GZMA: variants seen among roughly 807,000 people sequenced by gnomAD.
GZMA encodes CTL tryptase.
A neutral mutation model predicts 21.1 loss-of-function variants in GZMA; 17 were observed. The ratio of observed to expected loss-of-function variants is 0.81; its 90% CI spans 0.55 to 1.21. The LOEUF (loss-of-function observed/expected upper bound fraction) is 1.21, where lower values mean the gene tolerates loss of function less well. GZMA is among the 50% of genes most tolerant of loss of function. The pLI, the probability that GZMA is intolerant of heterozygous loss-of-function variation, is 0.00. For missense variants in GZMA, 306 were observed against 315.9 expected (o/e 0.97, Z 0.24); for synonymous variants, 90 against 107.8 (o/e 0.83, Z 1.03).
intron 2 of GZMA, among the ~76,000 whole-genome samples, chr5:55,106,588 G>C (rs1467725312): frequency 6.6e-6 from 1 of 152,170 alleles, no homozygotes; most frequent in Admixed American, 6.5e-5. Context: ...GCCTCAGCAT[G>C]GAAGGGTGAA....
chr5:55,107,179 C>A (rs983302275), intron 2 of GZMA, among the ~76,000 whole-genome samples: 1 of 152,058 alleles, frequency 6.6e-6, no homozygotes, highest in Non-Finnish European at 1.5e-5. Context: ...ATCAGTACAT[C>A]AGAAAGCATT....
Position 55,107,964 on chromosome 5 carries a change from G to A in GZMA, c.357+29G>A, listed in dbSNP as rs1345168268. 5.0e-6 allele frequency: 8 copies of A among 1,600,642 alleles called. No homozygotes were observed. In the Middle Eastern group the frequency reaches 6.6e-4, roughly 132 times the overall value. On this transcript the variant is annotated intron_variant, in intron 3 of 4. Transcript: ENST00000274306. ...CGTATCTTTGATTGTCTTCTCAAAAGTCATAGAACCTTCTACAATCTGGCC... is the reference window on the plus strand; with the variant it reads ...CGTATCTTTGATTGTCTTCTCAAAAATCATAGAACCTTCTACAATCTGGCC...
intron 4 of GZMA, among the ~76,000 whole-genome samples, chr5:55,109,472 A>G (rs1188676913): frequency 1.3e-5 from 2 of 152,226 alleles, no homozygotes; most frequent in African/African-American, 4.8e-5. Flanking sequence ...TAAAGGACTA[A>G]TTCTGCAAAT....
At chr5:55,103,589 G>C (rs1378176757) in intron 1 of GZMA, among the ~76,000 whole-genome samples, 1 of 152,184 alleles carries the variant, frequency 6.6e-6, no homozygotes, top group Admixed American at 6.5e-5. Context: ...GCTAGGAAGT[G>C]AGGACTACTC....
chr5:55,110,178 T>C lies in GZMA; in HGVS notation c.785T>C (p.Val262Ala). The C allele has an allele frequency of 6.3e-7, 1 of 1,581,464 alleles. No individual in the cohort carries two copies. Among genetic ancestry groups the C allele is most frequent in the East Asian group, 2.3e-5 (1 of 43,818 alleles). The change falls in exon 5 of 5, where the codon GTT becomes GCT. Residue 262 changes from valine to alanine, a missense_variant. By Grantham distance (64) the Val-to-Ala change is moderately conservative. Transcript: ENST00000274306. ...NWIIMTIKGA[V>A] ...ATAATTATGACTATCAAGGGAGCAG[T>C]TTAAATAACCGTTTCCTTTCATTTA...
At chr5:55,102,795 AAT>A in intron 1 of GZMA, 43 bp downstream of exon 1, 1 of 1,192,746 alleles carries the variant, frequency 8.4e-7, no homozygotes, top group Non-Finnish European at 1.3e-6. Flanking sequence ...CATGAAGCAA[AAT>A]GGAGCAGACT....
chr5:55,103,149 G>A (rs1327266061), intron 1 of GZMA, among the ~76,000 whole-genome samples: 1 of 152,050 alleles, frequency 6.6e-6, no homozygotes, highest in Non-Finnish European at 1.5e-5. Flanking sequence ...TTGCCAAAAA[G>A]GACAATGTAA....
chr5:55,110,213 C>T lies in GZMA; in HGVS notation c.*31C>T, dbSNP rs1417671525. The T allele has an allele frequency of 3.3e-6, 5 of 1,493,662 alleles. No individual in the cohort carries two copies. In the Admixed American group the frequency reaches 1.1e-4, roughly 31 times the overall value. The allele number at this position is 1,493,662 out of a possible 1,614,324, so 92.5% of individuals were successfully genotyped here. On this transcript the variant is annotated 3_prime_UTR_variant, in exon 5 of 5. Transcript: ENST00000274306. ...CGTTTCCTTTCATTTACTGTGGCTT[C>T]TTAATCTTTTCACAAATAAAATCAA...
chr5:55,103,178 C>T (rs560781425), intron 1 of GZMA, among the ~76,000 whole-genome samples: 2 of 152,130 alleles, frequency 1.3e-5, no homozygotes, highest in African/African-American at 4.8e-5. Context: ...TAACAAAACT[C>T]TCTTGTTCGT....
rs554404305 is a variant in GZMA at position 55,107,920 on chromosome 5, C to T, written c.342C>T (p.Asp114=). The T allele has an allele frequency of 3.1e-6, 5 of 1,613,108 alleles. No individual in the cohort carries two copies. The South Asian group carries it at 5.5e-5, about 18-fold the overall frequency. ...PCYDPATREG[D]LKLLQLMEKA... ...ATGACCCAGCCACACGCGAAGGTGACCTTAAACTTTTACAGGTACGTATCT... is the reference window on the plus strand; with the variant it reads ...ATGACCCAGCCACACGCGAAGGTGATCTTAAACTTTTACAGGTACGTATCT... Residue 114 remains aspartate (D), a synonymous_variant, in exon 3 of 5, where the codon GAC becomes GAT. Coordinates refer to ENST00000274306, the MANE Select transcript of GZMA (RefSeq NM_006144.4).
At chr5:55,107,716 A>G (rs936966281) in intron 2 of GZMA, 78 bp from the exon 3 acceptor site, 2 of 1,034,578 alleles carry the variant, frequency 1.9e-6, no homozygotes, top group Admixed American at 2.3e-5. Context: ...CAAATGGGAC[A>G]ATGAAACTGA....
chr5:55,110,004 C>T lies in GZMA; in HGVS notation c.628-17C>T. On this transcript the variant is annotated splice_polypyrimidine_tract_variant and intron_variant, in intron 4 of 4. Transcript: ENST00000274306. The stretch of plus-strand genomic sequence containing the variant: ...TGAACACTGACCCCACACCCTACCC[C>T]TCTTGTTTTCCTCCAGGGAGATTCT... 2 of 1,579,834 alleles carry T rather than the reference C, an allele frequency of 1.3e-6. No individual in the cohort carries two copies. Among genetic ancestry groups the T allele is most frequent in the Non-Finnish European group, 8.6e-7 (1 of 1,165,530 alleles).
chr5:55,106,766 T>C (rs1742425066), intron 2 of GZMA, among the ~76,000 whole-genome samples: 1 of 152,106 alleles, frequency 6.6e-6, no homozygotes, highest in Non-Finnish European at 1.5e-5. Context: ...CTTTTCCTAC[T>C]CTCTAAATCA....
intron 1 of GZMA, among the ~76,000 whole-genome samples, chr5:55,103,898 C>G (rs1276660580): frequency 6.6e-6 from 1 of 151,862 alleles, no homozygotes; most frequent in Non-Finnish European, 1.5e-5. Context: ...CCCAGCTACG[C>G]AGGAGGCTGA....
At chr5:55,106,704 C>T (rs1320171956) in intron 2 of GZMA, among the ~76,000 whole-genome samples, 1 of 152,176 alleles carries the variant, frequency 6.6e-6, no homozygotes, top group Non-Finnish European at 1.5e-5. Context: ...CATCTTTGGC[C>T]ATCTCTTCAC....
At chr5:55,103,520 G>A (rs1742338035) in intron 1 of GZMA, among the ~76,000 whole-genome samples, 1 of 152,118 alleles carries the variant, frequency 6.6e-6, no homozygotes, top group Admixed American at 6.5e-5. Flanking sequence ...ATAATTCATG[G>A]TATTACCACT....
chr5:55,110,120 T>C lies in GZMA; in HGVS notation c.727T>C (p.Tyr243His), dbSNP rs1742476951. The C allele has an allele frequency of 2.5e-6, 4 of 1,612,022 alleles. No homozygotes were observed. The highest frequency in any genetic ancestry group is 3.4e-6 in the Non-Finnish European group (4 of 1,178,624). ...CGGAGACCCTCGTGGGCCTGGTGTC[T>C]ATATTCTTCTCTCAAAGAAACACCT... ...KCGDPRGPGV[Y>H]ILLSKKHLNW... The change falls in exon 5 of 5, where the codon TAT (tyrosine) becomes CAT (histidine). Residue 243 changes from tyrosine to histidine, a missense_variant. Coordinates refer to ENST00000274306, the MANE Select transcript of GZMA (RefSeq NM_006144.4).
intron 4 of GZMA, 51 bp from the exon 5 acceptor site, chr5:55,109,970 T>C: frequency 2.2e-6 from 3 of 1,352,454 alleles, no homozygotes; most frequent in Non-Finnish European, 2.0e-6. Flanking sequence ...ATTTCACTAG[T>C]GGTAATGCTG....
chr5:55,108,317 C>T lies in GZMA; in HGVS notation c.550C>T (p.His184Tyr), dbSNP rs1185493971. The change falls in exon 4 of 5, where the codon CAC becomes TAC. Residue 184 changes from histidine (H) to tyrosine (Y), a missense_variant. By Grantham distance (83) the His-to-Tyr change is moderately conservative. Transcript: ENST00000274306. ...CAGAAAAGTCTGCAATGATCGAAAT[C>T]ACTATAATTTTAACCCTGTGATTGG... Reference protein sequence around the residue: ...IDRKVCNDRNHYNFNPVIGMN... With the variant: ...IDRKVCNDRNYYNFNPVIGMN... The T allele has an allele frequency of 6.2e-7, 1 of 1,613,302 alleles. No individual in the cohort carries two copies. The highest frequency in any genetic ancestry group is 1.1e-5 in the South Asian group (1 of 91,064).
Sources: allele counts gnomAD v4.1 joint callset (sites outside exome capture counted in the v4.1 genomes callset), GRCh38; gene constraint gnomAD v4.1.1; transcripts MANE v1.5; gene names NCBI Gene and HGNC (gene_info 2026-07-23, HGNC 2026-07-21).